The following PARM1 variants were observed in gnomAD, a reference collection of about 807,000 sequenced individuals.
The protein encoded by PARM1 is prostate androgen-regulated mucin-like protein 1.
A neutral mutation model predicts 24.6 loss-of-function variants in PARM1; 14 were observed. That is an observed-to-expected ratio of 0.57 (90% CI 0.38 to 0.89). PARM1 has a LOEUF of 0.89. Among genes scored for constraint, PARM1 ranks in the 40% least tolerant of loss-of-function variants. The pLI, the probability that PARM1 is intolerant of heterozygous loss-of-function variation, is 0.00. For missense variants in PARM1, 362 were observed against 380.4 expected (o/e 0.95, Z 0.40); for synonymous variants, 179 against 156.6 (o/e 1.14, Z -1.07).
rs368500897 is a variant in PARM1 at position 74,933,876 on chromosome 4, T to G, written c.43+506T>G. On this transcript the variant is annotated intron_variant, in intron 1 of 3. Transcript: ENST00000307428. ...TCTCGAGTCTTGGCGGTCTCTGATC[T>G]CCGGCGTCCCTTCCTAGTTATGCTT... 5.3e-5 allele frequency among the ~76,000 whole-genome samples: 8 copies of G among 152,140 alleles called. No individual in the cohort carries two copies. In the East Asian group the frequency reaches 1.2e-3, roughly 22 times the overall value.
intron 2 of PARM1, among the ~76,000 whole-genome samples, chr4:75,018,644 T>A (rs1723031522): frequency 6.6e-6 from 1 of 152,170 alleles, no homozygotes; most frequent in African/African-American, 2.4e-5. Context: ...ACAGAAGACA[T>A]GAGGTTCATG....
intron 1 of PARM1, among the ~76,000 whole-genome samples, chr4:75,001,288 A>G (rs1560788363): frequency 6.6e-6 from 1 of 152,266 alleles, no homozygotes; most frequent in Non-Finnish European, 1.5e-5. Flanking sequence ...AGTACAATTT[A>G]TAATGATAAA....
intron 1 of PARM1, among the ~76,000 whole-genome samples, chr4:75,011,597 C>T (rs1722871990): frequency 6.6e-6 from 1 of 152,014 alleles, no homozygotes; most frequent in Non-Finnish European, 1.5e-5. Flanking sequence ...TTGAATGAGT[C>T]AATGAATGAA....
At chr4:75,030,286 T>G (rs1364444826) in intron 2 of PARM1, among the ~76,000 whole-genome samples, 2 of 152,232 alleles carry the variant, frequency 1.3e-5, no homozygotes, top group Non-Finnish European at 2.9e-5. Flanking sequence ...ATTTACCACA[T>G]GTAAAACCTT....
intron 1 of PARM1, among the ~76,000 whole-genome samples, chr4:74,969,170 G>A (rs555906084): frequency 5.8e-4 from 88 of 152,230 alleles, no homozygotes; most frequent in Middle Eastern, 3.4e-3. Flanking sequence ...AAGGGCAGCC[G>A]ACATCCCCTA....
intron 3 of PARM1, chr4:75,034,647 C>T (rs753835266): frequency 1.3e-5 from 2 of 152,214 alleles, no homozygotes; most frequent in Non-Finnish European, 2.9e-5. Context: ...CACCACATTA[C>T]TCACAGTCTC....
rs1214332505 is a variant in PARM1, at chr4:75,013,147, T to G, written c.766T>G (p.Ser256Ala). 6.2e-7 allele frequency: 1 copy of G among 1,610,446 alleles called. No individual in the cohort carries two copies. The highest frequency in any genetic ancestry group is 1.3e-5 in the African/African-American group (1 of 75,022). ...GCAGGAAGTAGAACATGCATTAAGT[T>G]CAGGTGAGTCTCTATCCAGTCCACT... is the stretch of plus-strand genomic sequence containing the variant. The part of the protein sequence containing the change: ...IMQEVEHALS[S>A]GSIAAITVTV... The change falls in exon 2 of 4, where the codon TCA becomes GCA. Residue 256 changes from serine (S) to alanine (A), a missense_variant. Ser to Ala is a moderately conservative substitution (Grantham distance 99). Coordinates refer to ENST00000307428, the MANE Select transcript of PARM1 (RefSeq NM_015393.4).
At chr4:75,043,749 A>G (rs989178406) in intron 3 of PARM1, among the ~76,000 whole-genome samples, 1 of 152,168 alleles carries the variant, frequency 6.6e-6, no homozygotes, top group African/African-American at 2.4e-5. Context: ...TTGGAACTGG[A>G]GGTTTCACAT....
intron 1 of PARM1, among the ~76,000 whole-genome samples, chr4:74,981,823 C>T (rs543963313): frequency 7.5e-5 from 11 of 145,894 alleles, no homozygotes; most frequent in East Asian, 2.0e-4. Context: ...TGCAGTGAGC[C>T]GAAATCGCGC....
At chr4:74,955,044 A>T (rs1301404163) in intron 1 of PARM1, among the ~76,000 whole-genome samples, 11 of 152,222 alleles carry the variant, frequency 7.2e-5, no homozygotes, top group Admixed American at 6.5e-4. Context: ...AGATTAATTC[A>T]GTCTATGCTT....
chr4:74,978,747 C>T (rs1358120973), intron 1 of PARM1, among the ~76,000 whole-genome samples: 1 of 151,648 alleles, frequency 6.6e-6, no homozygotes, highest in Non-Finnish European at 1.5e-5. Flanking sequence ...AAAGAACTGA[C>T]ATCATAACAG....
At chr4:74,935,665 C>A (rs889542793) in intron 1 of PARM1, among the ~76,000 whole-genome samples, 17 of 152,252 alleles carry the variant, frequency 1.1e-4, no homozygotes, top group African/African-American at 3.1e-4. Flanking sequence ...TAAGGTGATA[C>A]TTTCTTGAGC....
chr4:74,942,034 C>T lies in PARM1; in HGVS notation c.43+8664C>T, dbSNP rs141920279. On this transcript the variant is annotated intron_variant, in intron 1 of 3. Coordinates refer to ENST00000307428, the MANE Select transcript of PARM1 (RefSeq NM_015393.4). ...AATACCAACTCTGTGCTCTCAGTTT[C>T]CTTCCTTGTAGGGTTATGACAATAT... 4.5e-4 allele frequency among the ~76,000 whole-genome samples: 69 copies of T among 152,304 alleles called. 1 individual carries two copies. The East Asian group carries it at 0.013, about 29-fold the overall frequency.
intron 1 of PARM1, among the ~76,000 whole-genome samples, chr4:74,996,903 G>A (rs1342665509): frequency 6.6e-6 from 1 of 152,206 alleles, no homozygotes; most frequent in Non-Finnish European, 1.5e-5. Flanking sequence ...ATTCCAGAGA[G>A]AAGAGCCAAA....
In PARM1 at chr4:74,938,825, A is replaced by G. The variant is rs190341436; in HGVS notation, c.43+5455A>G. Among the ~76,000 whole-genome samples the G allele has an allele frequency of 4.6e-5, 7 of 152,308 alleles. No homozygotes were observed. In the East Asian group the frequency reaches 1.3e-3, roughly 29 times the overall value. On this transcript the variant is annotated intron_variant, in intron 1 of 3. Transcript: ENST00000307428. ...GCTTATAGATGTTGGGAACTTTGCC[A>G]TTGTGTAAGTAATAGAAGTCTTTAA...
intron 1 of PARM1, among the ~76,000 whole-genome samples, chr4:74,982,275 C>CCTG (rs1722272487): frequency 6.6e-6 from 1 of 152,064 alleles, no homozygotes; most frequent in Non-Finnish European, 1.5e-5. Flanking sequence ...AGGGGAACAA[C>CCTG]ACACACTGGG....
At chr4:74,953,180 T>C (rs1721560968) in intron 1 of PARM1, among the ~76,000 whole-genome samples, 1 of 152,202 alleles carries the variant, frequency 6.6e-6, no homozygotes, top group South Asian at 2.1e-4. Context: ...GCTTTCTTTA[T>C]ATGTCATAAT....
chr4:74,941,999 A>C (rs976260162), intron 1 of PARM1, among the ~76,000 whole-genome samples: 12 of 152,206 alleles, frequency 7.9e-5, no homozygotes, highest in African/African-American at 2.9e-4. Context: ...AGTAAGATAG[A>C]CCAGCAAGGA....
chr4:74,952,079 C>T (rs1409300288), intron 1 of PARM1, among the ~76,000 whole-genome samples: 2 of 152,202 alleles, frequency 1.3e-5, no homozygotes, highest in Admixed American at 6.5e-5. Context: ...TCCTATTTTT[C>T]CACATCCTCT....
Sources: allele counts gnomAD v4.1 joint callset (sites outside exome capture counted in the v4.1 genomes callset), GRCh38; gene constraint gnomAD v4.1.1; transcripts MANE v1.5; gene names NCBI Gene and HGNC (gene_info 2026-07-23, HGNC 2026-07-21).